SHCBP1: variants seen among roughly 807,000 people sequenced by gnomAD.
SHCBP1 encodes SHC SH2 domain-binding protein 1.
SHCBP1 carries 60 observed loss-of-function variants against 75.1 expected under a neutral mutation model. That is an observed-to-expected ratio of 0.80 (90% confidence interval 0.65 to 0.99). The LOEUF (loss-of-function observed/expected upper bound fraction) is 0.99, where lower values mean the gene tolerates loss of function less well. Ranked by LOEUF, SHCBP1 falls within the 50% of genes least tolerant of loss-of-function variation. SHCBP1 has a pLI of 0.00. For missense variants in SHCBP1, 709 were observed against 809.4 expected, an observed-to-expected ratio of 0.88 and a Z score of 1.50; for synonymous variants, 290 against 293.2, an observed-to-expected ratio of 0.99 and a Z score of 0.11.
intron 4 of SHCBP1, among the ~76,000 whole-genome samples, chr16:46,615,497 T>G (rs1965480251): frequency 6.6e-6 from 1 of 152,204 alleles, no homozygotes; most frequent in South Asian, 2.1e-4. Flanking sequence ...CCCAGCACTT[T>G]GGGAGGCCAA....
rs140182111 is a variant in SHCBP1 at position 46,620,951 on chromosome 16, G to C, written c.103+306C>G. 6 of 346,892 alleles carry C rather than the reference G, an allele frequency of 1.7e-5. No homozygotes were observed. In the East Asian group the frequency reaches 2.8e-4, roughly 16 times the overall value. 21.5% of individuals were successfully genotyped at this position (346,892 alleles called of 1,614,324 possible). ...CCCCTTGAGCAACAGTAAATGCACA[G>C]TTCCCGCAAAACCCATCCAGATAGG... On this transcript the variant is annotated intron_variant, in intron 1 of 12. Coordinates refer to ENST00000303383, the MANE Select transcript of SHCBP1 (RefSeq NM_024745.5).
rs995436652 is a variant in SHCBP1 at position 46,579,938 on chromosome 16, CAAAATAAAATA to C, written c.*1780_*1790del. On this transcript the variant is annotated 3_prime_UTR_variant, in exon 13 of 13. Transcript: ENST00000303383. ...GTGAAGCTCCATCTCAAAAACAAAA[CAAAATAAAATA>C]AAAATAAAATAAATACAAAAAAAAA... is the stretch of plus-strand genomic sequence containing the variant. Among the ~76,000 whole-genome samples, 22 of 144,510 alleles carry C rather than the reference CAAAATAAAATA, an allele frequency of 1.5e-4. No homozygotes were observed. Among genetic ancestry groups the C allele is most frequent in the South Asian group, 6.7e-4 (3 of 4,470 alleles). The allele number at this position is 144,510 out of a possible 152,430, so 94.8% of individuals were successfully genotyped here.
At position 46,583,939 on chromosome 16, in the gene SHCBP1, A is replaced by T. The variant is rs972692745; in HGVS notation, c.1551+64T>A. 3.6e-6 allele frequency: 5 copies of T among 1,372,256 alleles called. No individual in the cohort carries two copies. The African/African-American group carries it at 7.2e-5, about 20-fold the overall frequency. 85.0% of individuals were successfully genotyped at this position (1,372,256 alleles called of 1,614,324 possible). A position where few individuals can be genotyped will look rare whatever the true frequency, so the allele number is the denominator to read the frequency against. ...GAAAATAGAACCCAACAATTTAATA[A>T]AGCATAATTTGTAGGTAAAACCATT... On this transcript the variant is annotated intron_variant, in intron 11 of 12. Coordinates refer to ENST00000303383, the MANE Select transcript of SHCBP1 (RefSeq NM_024745.5).
In SHCBP1 at chr16:46,603,964, T is replaced by A; in HGVS notation, c.1092+11A>T. 7.5e-6 allele frequency: 12 copies of A among 1,599,424 alleles called. No individual in the cohort carries two copies. The highest frequency in any genetic ancestry group is 1.0e-5 in the Non-Finnish European group (12 of 1,175,790). On this transcript the variant is annotated intron_variant, in intron 7 of 12. Coordinates refer to ENST00000303383, the MANE Select transcript of SHCBP1 (RefSeq NM_024745.5). ...AAAAAAGCCACCTGGAGTGAGAAAC[T>A]CTCCGTTTACCTGAATTTCTCTTTC...
chr16:46,596,716 C>A (rs568231874), intron 9 of SHCBP1, among the ~76,000 whole-genome samples: 1 of 151,562 alleles, frequency 6.6e-6, no homozygotes, highest in Non-Finnish European at 1.5e-5. Flanking sequence ...CTGCGCCCAG[C>A]CTAAATGAGT....
intron 4 of SHCBP1, among the ~76,000 whole-genome samples, chr16:46,614,002 C>T (rs1481302670): frequency 2.0e-5 from 3 of 152,148 alleles, no homozygotes; most frequent in Non-Finnish European, 4.4e-5. Flanking sequence ...CTTCTATGCC[C>T]ATAGAGATTA....
At chr16:46,594,714 CTA>C (rs1342576619) in intron 10 of SHCBP1, among the ~76,000 whole-genome samples, 2 of 151,842 alleles carry the variant, frequency 1.3e-5, no homozygotes, top group African/African-American at 4.8e-5. Context: ...CATGCAACTA[CTA>C]TATGACCTAC....
Position 46,604,463 on chromosome 16 carries a change from T to G in SHCBP1, c.690-2A>C, listed in dbSNP as rs1965295768. The G allele has an allele frequency of 6.3e-7, 1 of 1,599,258 alleles. No homozygotes were observed. On this transcript the variant is annotated splice_acceptor_variant, in intron 5 of 12. Coordinates refer to ENST00000303383, the MANE Select transcript of SHCBP1 (RefSeq NM_024745.5). LOFTEE classifies it high-confidence loss of function. The stretch of plus-strand genomic sequence containing the variant: ...CGGTCTTCAAGAATGTCATAATGCC[T>G]GAAAGTTTAAAAGCAAAGTGAAATC...
chr16:46,615,831 G>A (rs1965487415), intron 4 of SHCBP1, 115 bp downstream of exon 4: 1 of 803,100 alleles, frequency 1.2e-6, no homozygotes, highest in South Asian at 1.7e-5. Context: ...TTTAAATATT[G>A]CAATGACCAA....
chr16:46,613,635 C>T (rs1036907717), intron 4 of SHCBP1, among the ~76,000 whole-genome samples: 2 of 152,198 alleles, frequency 1.3e-5, no homozygotes, highest in African/African-American at 2.4e-5. Context: ...AGTAAATAAC[C>T]CTAGAACAGC....
intron 11 of SHCBP1, 91 bp downstream of exon 11, chr16:46,583,912 C>T: frequency 1.6e-6 from 2 of 1,229,038 alleles, no homozygotes; most frequent in Middle Eastern, 2.0e-4. Flanking sequence ...TTTTCAAAAC[C>T]AGAAAATAGA....
chr16:46,586,057 AT>A lies in SHCBP1; in HGVS notation c.1465-1969del, dbSNP rs540765629. 9.2e-5 allele frequency among the ~76,000 whole-genome samples: 14 copies of A among 152,346 alleles called. No individual in the cohort carries two copies. In the South Asian group the frequency reaches 2.9e-3, roughly 32 times the overall value. On this transcript the variant is annotated intron_variant, in intron 10 of 12. Coordinates refer to ENST00000303383, the MANE Select transcript of SHCBP1 (RefSeq NM_024745.5). ...CAGATTCTCACAACATAATATAAAA[AT>A]ATCCAACTTTCATTTGAAAATCCCT... is the stretch of plus-strand genomic sequence containing the variant.
chr16:46,620,338 A>C (rs941221703), intron 1 of SHCBP1: 3 of 152,238 alleles, frequency 2.0e-5, no homozygotes, highest in Non-Finnish European at 4.4e-5. Flanking sequence ...TTCACACTGC[A>C]TAACTGAAAC....
At chr16:46,588,217 G>T (rs375968891) in intron 10 of SHCBP1, among the ~76,000 whole-genome samples, 1 of 152,078 alleles carries the variant, frequency 6.6e-6, no homozygotes. Context: ...AGAGAAAGCA[G>T]GAAAGATCTA....
chr16:46,585,451 C>G (rs1449382483), intron 10 of SHCBP1, among the ~76,000 whole-genome samples: 1 of 152,142 alleles, frequency 6.6e-6, no homozygotes, highest in Non-Finnish European at 1.5e-5. Context: ...AAGTTCCTTT[C>G]TTTTTGCTTC....
chr16:46,601,308 C>CA (rs895442312), intron 8 of SHCBP1, among the ~76,000 whole-genome samples: 18 of 151,784 alleles, frequency 1.2e-4, no homozygotes, highest in Admixed American at 1.2e-3. Context: ...GACTCCACCT[C>CA]AAAAAAACAA....
intron 8 of SHCBP1, 107 bp from the exon 9 acceptor site, chr16:46,600,069 G>C: frequency 8.0e-7 from 1 of 1,246,030 alleles, no homozygotes; most frequent in Non-Finnish European, 1.1e-6. Context: ...ATGATAATGA[G>C]ACCAGTCAAC....
chr16:46,617,521 G>T, intron 3 of SHCBP1, 113 bp downstream of exon 3: 1 of 725,260 alleles, frequency 1.4e-6, no homozygotes, highest in Admixed American at 3.2e-5. Flanking sequence ...TGAAAAACAT[G>T]CTATTTGAAT....
chr16:46,608,869 G>T (rs1484988744), intron 4 of SHCBP1, among the ~76,000 whole-genome samples: 1 of 152,062 alleles, frequency 6.6e-6, no homozygotes, highest in Non-Finnish European at 1.5e-5. Flanking sequence ...AAAGTGCTGG[G>T]ATTACAGGCA....
Sources: gnomAD v4.1 joint callset for allele counts (sites outside exome capture counted in the v4.1 genomes callset) on GRCh38, gnomAD v4.1.1 for gene constraint, MANE v1.5 for transcripts, NCBI Gene and HGNC (gene_info 2026-07-23, HGNC 2026-07-21) for gene names.